Variants in SUMF1 observed in about 807,000 individuals in gnomAD.
The protein encoded by SUMF1 is sulfatase modifying factor 1.
In SUMF1, 48 loss-of-function variants were observed where a neutral mutation model predicts 47.6. The ratio of observed to expected loss-of-function variants is 1.01; its 90% CI spans 0.80 to 1.28. The LOEUF (loss-of-function observed/expected upper bound fraction) is 1.28. SUMF1 is among the 50% of genes most tolerant of loss of function. The probability of loss-of-function intolerance (pLI) is 0.00; values close to 1 mark genes in which losing one functional copy is unlikely to be tolerated. For missense variants in SUMF1, 571 were observed against 485.4 expected (o/e 1.18, Z -1.66); for synonymous variants, 230 against 192.1 (o/e 1.20, Z -1.63).
intron 8 of SUMF1, chr3:4,317,126 A>G: frequency 6.5e-7 from 1 of 1,545,270 alleles, no homozygotes; most frequent in African/African-American, 1.4e-5. Flanking sequence ...AGCAGGATGC[A>G]GAAAATGCTT....
chr3:4,426,681 G>T (rs185030491), intron 3 of SUMF1, among the ~76,000 whole-genome samples: 7 of 152,230 alleles, frequency 4.6e-5, no homozygotes, highest in Non-Finnish European at 7.3e-5. Context: ...GTTGTTTACA[G>T]AGCAGAAGCA....
chr3:4,047,304 G>C (rs1398128438), intron 9 of SUMF1, among the ~76,000 whole-genome samples: 2 of 152,114 alleles, frequency 1.3e-5, no homozygotes, highest in African/African-American at 4.8e-5. Flanking sequence ...CATAAGAGCA[G>C]GGACCTTACC....
At chr3:4,178,798 T>A (rs567376532) in intron 8 of SUMF1, among the ~76,000 whole-genome samples, 2 of 152,248 alleles carry the variant, frequency 1.3e-5, no homozygotes, top group South Asian at 2.1e-4. Context: ...AACCCCACAG[T>A]CTCAGCCCAA....
intron 8 of SUMF1, among the ~76,000 whole-genome samples, chr3:4,277,294 G>A (rs1304722485): frequency 1.3e-5 from 2 of 151,940 alleles, no homozygotes; most frequent in Non-Finnish European, 2.9e-5. Flanking sequence ...AAAATACCCA[G>A]GTCTCCTTTC....
rs555180279 is a variant in SUMF1 at position 4,344,766 on chromosome 3, A to G, written c.1014+31564T>C. Reference sequence around the variant, plus strand: ...AAAGGAACATGTTCTAACCCAATGCAAAGAAGCTAAGAACCTTGATAAGAG... The same window carrying G: ...AAAGGAACATGTTCTAACCCAATGCGAAGAAGCTAAGAACCTTGATAAGAG... On this transcript the variant is annotated intron_variant and NMD_transcript_variant, in intron 8 of 12. Coordinates refer to the SUMF1 transcript ENST00000448413. Among the ~76,000 whole-genome samples, 192 of 152,296 alleles carry G rather than the reference A, an allele frequency of 1.3e-3. 1 individual carries two copies. The highest frequency in any genetic ancestry group is 4.4e-3 in the African/African-American group (184 of 41,572).
intron 8 of SUMF1, among the ~76,000 whole-genome samples, chr3:4,276,412 C>T (rs1362484287): frequency 6.6e-6 from 1 of 151,960 alleles, no homozygotes; most frequent in East Asian, 1.9e-4. Context: ...AAGTTTTGAG[C>T]GTAATTAAAA....
intron 7 of SUMF1, among the ~76,000 whole-genome samples, chr3:4,404,065 G>A (rs1027538359): frequency 6.6e-6 from 1 of 152,164 alleles, no homozygotes; most frequent in African/African-American, 2.4e-5. Flanking sequence ...GCATATGTCT[G>A]GATAACGTGT....
chr3:4,170,868 G>C (rs762314628), intron 8 of SUMF1, among the ~76,000 whole-genome samples: 3 of 152,114 alleles, frequency 2.0e-5, no homozygotes, highest in Non-Finnish European at 4.4e-5. Flanking sequence ...TTCATGGTTT[G>C]TAGGAAAAAT....
chr3:4,068,884 A>ATT, intron 8 of SUMF1: 1 of 224,322 alleles, frequency 4.5e-6, no homozygotes, highest in South Asian at 5.4e-5. Context: ...ACAACGAAAA[A>ATT]TGGACACTTA....
intron 6 of SUMF1, among the ~76,000 whole-genome samples, chr3:4,412,047 G>A (rs899910786): frequency 1.7e-4 from 26 of 152,150 alleles, no homozygotes; most frequent in African/African-American, 6.3e-4. Flanking sequence ...TCAAAGTCAC[G>A]AAGCTAGTGT....
intron 8 of SUMF1, among the ~76,000 whole-genome samples, chr3:4,127,123 A>T (rs1180100739): frequency 6.6e-6 from 1 of 152,188 alleles, no homozygotes; most frequent in Admixed American, 6.5e-5. Flanking sequence ...TTGGATGTAT[A>T]AAAGGCTATG....
At chr3:4,389,180 G>C (rs1383805744) in intron 7 of SUMF1, among the ~76,000 whole-genome samples, 2 of 152,128 alleles carry the variant, frequency 1.3e-5, no homozygotes, top group African/African-American at 4.8e-5. Flanking sequence ...GCCTTTATCT[G>C]AGAATATCTT....
At chr3:4,360,498 AT>A (rs1404916667), downstream of SUMF1, among the ~76,000 whole-genome samples, 1 of 151,596 alleles carries the variant, frequency 6.6e-6, no homozygotes, top group Non-Finnish European at 1.5e-5. Flanking sequence ...GCTAAATTTT[AT>A]TTTTTGTATT....
intron 8 of SUMF1, among the ~76,000 whole-genome samples, chr3:4,272,299 G>A (rs554561850): frequency 6.6e-6 from 1 of 152,238 alleles, no homozygotes; most frequent in Middle Eastern, 3.2e-3. Context: ...AAAACGCAGA[G>A]GCTGGGCTGT....
At chr3:4,430,836 G>A (rs1209622315) in intron 3 of SUMF1, among the ~76,000 whole-genome samples, 2 of 152,098 alleles carry the variant, frequency 1.3e-5, no homozygotes, top group South Asian at 2.1e-4. Flanking sequence ...TAAGAAGGAG[G>A]AGCAAGTAAG....
intron 9 of SUMF1, among the ~76,000 whole-genome samples, chr3:4,062,529 C>A (rs184839430): frequency 6.6e-6 from 1 of 152,100 alleles, no homozygotes; most frequent in African/African-American, 2.4e-5. Context: ...AATTTACCAA[C>A]AATCGTATAG....
At chr3:4,129,536 C>G (rs1302584485) in intron 8 of SUMF1, among the ~76,000 whole-genome samples, 1 of 152,100 alleles carries the variant, frequency 6.6e-6, no homozygotes, top group Non-Finnish European at 1.5e-5. Context: ...AGCCAGTTTA[C>G]AAACCCAGAA....
intron 8 of SUMF1, among the ~76,000 whole-genome samples, chr3:4,171,058 G>T (rs1466525795): frequency 6.6e-6 from 1 of 152,190 alleles, no homozygotes; most frequent in Non-Finnish European, 1.5e-5. Flanking sequence ...GACTTCAACA[G>T]AATCTTAATC....
chr3:4,323,889 C>G (rs540571226), intron 8 of SUMF1, among the ~76,000 whole-genome samples: 54 of 152,276 alleles, frequency 3.5e-4, no homozygotes, highest in African/African-American at 1.2e-3. Context: ...ACAGCTCTTC[C>G]TCTCAGCATA....
Sources: gnomAD v4.1 joint callset for allele counts (sites outside exome capture counted in the v4.1 genomes callset) on GRCh38, gnomAD v4.1.1 for gene constraint, MANE v1.5 for transcripts, NCBI Gene and HGNC (gene_info 2026-07-23, HGNC 2026-07-21) for gene names.